The following ANO4 variants were observed in gnomAD, a reference collection of about 807,000 sequenced individuals.
The protein encoded by ANO4 is anoctamin-4.
In ANO4, 69 loss-of-function variants were observed where a neutral mutation model predicts 141.9. The ratio of observed to expected loss-of-function variants is 0.49; its 90% CI spans 0.40 to 0.59. The LOEUF (loss-of-function observed/expected upper bound fraction) is 0.59, where lower values mean the gene tolerates loss of function less well. ANO4 is among the 20% of genes least tolerant of loss of function. The pLI, the probability that ANO4 is intolerant of heterozygous loss-of-function variation, is 0.00. For synonymous variants in ANO4, 350 were observed against 394.3 expected (o/e 0.89, Z 1.33); for missense variants, 894 against 1,162.2 (o/e 0.77, Z 3.36).
Position 101,086,747 on chromosome 12 carries a change from A to G in ANO4, c.1624A>G (p.Ile542Val). ...STFAAFKWAL[I>V]RNNSQVATTG... ...TTTCGCTGCCTTTAAGTGGGCGTTA[A>G]TCAGGAATAACTCTCAGGTTGCAAC... The change falls in exon 17 of 28, where the codon ATC becomes GTC. Residue 542 changes from isoleucine to valine, a missense_variant. Ile to Val is a conservative substitution (Grantham distance 29). Around this residue, in one of 2 missense-constraint regions of ANO4, gnomAD observed 637 missense variants for 909.2 expected, o/e 0.70. Coordinates refer to ENST00000392977, the MANE Select transcript of ANO4 (RefSeq NM_001286615.2). The G allele has an allele frequency of 1.2e-6, 2 of 1,613,850 alleles. No homozygotes were observed. The highest frequency in any genetic ancestry group is 1.7e-6 in the Non-Finnish European group (2 of 1,179,812).
chr12:101,004,983 G>T (rs1347922698), intron 8 of ANO4, among the ~76,000 whole-genome samples: 4 of 152,136 alleles, frequency 2.6e-5, no homozygotes, highest in East Asian at 3.9e-4. Context: ...CTAGGACTTT[G>T]CTGCTCCCAG....
At chr12:100,942,566 A>G (rs774495334) in intron 5 of ANO4, 31 bp downstream of exon 5, 3 of 1,602,092 alleles carry the variant, frequency 1.9e-6, no homozygotes, top group Non-Finnish European at 1.7e-6. Flanking sequence ...AGAAAAAAAT[A>G]TATACATATC....
At chr12:101,099,781 A>G (rs995302874) in intron 22 of ANO4, 61 bp downstream of exon 22, 3 of 1,359,224 alleles carry the variant, frequency 2.2e-6, no homozygotes, top group Non-Finnish European at 2.0e-6. Flanking sequence ...GGTATATTCA[A>G]CTAAACATAT....
chr12:100,970,215 C>T (rs1007376164), intron 5 of ANO4, among the ~76,000 whole-genome samples: 2 of 152,032 alleles, frequency 1.3e-5, no homozygotes, highest in African/African-American at 2.4e-5. Context: ...GAGAACATTC[C>T]TTCTTCTCCC....
intron 5 of ANO4, among the ~76,000 whole-genome samples, chr12:100,967,538 T>C (rs1251273549): frequency 2.7e-5 from 4 of 149,598 alleles, no homozygotes; most frequent in Non-Finnish European, 4.4e-5. Flanking sequence ...ATAAGCCCCA[T>C]ACACTATATT....
intron 1 of ANO4, among the ~76,000 whole-genome samples, chr12:100,721,699 G>C (rs1266893340): frequency 1.3e-5 from 2 of 152,050 alleles, no homozygotes; most frequent in Non-Finnish European, 2.9e-5. Context: ...GTTTGTTTGA[G>C]ACAATGTCTC....
intron 15 of ANO4, among the ~76,000 whole-genome samples, chr12:101,082,119 T>C (rs2049308403): frequency 1.3e-5 from 2 of 152,142 alleles, no homozygotes; most frequent in African/African-American, 2.4e-5. Flanking sequence ...TCCCCATGTG[T>C]TGGGGGTTGG....
intron 1 of ANO4, among the ~76,000 whole-genome samples, 154 bp from the exon 2 acceptor site, chr12:100,901,492 T>G (rs2040589278): frequency 6.6e-6 from 1 of 152,202 alleles, no homozygotes; most frequent in South Asian, 2.1e-4. Flanking sequence ...AAGTCTTGTC[T>G]TGGTAACTAA....
Position 100,901,829 on chromosome 12 carries a change from T to G in ANO4, c.44T>G (p.Val15Gly). The change falls in exon 2 of 28, where the codon GTC becomes GGC. Residue 15 changes from valine (V) to glycine (G), a missense_variant. Physicochemically the swap from Val to Gly is moderately radical, Grantham distance 109 (BLOSUM62 -3). Coordinates refer to ENST00000392977, the MANE Select transcript of ANO4 (RefSeq NM_001286615.2). ...GGAATCACTAATGGAAAAACCAAAG[T>G]CTTCCACCCAGGTGATGCATGGGGA... ...SSGITNGKTKVFHPEGGVDLQ... is the reference protein window; with the variant it reads ...SSGITNGKTKGFHPEGGVDLQ... The G allele has an allele frequency of 1.4e-5, 23 of 1,608,170 alleles. No individual in the cohort carries two copies. The highest frequency in any genetic ancestry group is 2.0e-5 in the Non-Finnish European group (23 of 1,177,544).
intron 8 of ANO4, among the ~76,000 whole-genome samples, chr12:100,997,625 T>C (rs1287689642): frequency 1.3e-5 from 2 of 152,132 alleles, no homozygotes; most frequent in Non-Finnish European, 2.9e-5. Flanking sequence ...CAGGCCTCAG[T>C]GGCCTATGTA....
chr12:100,847,051 C>T (rs1385348874), intron 1 of ANO4, among the ~76,000 whole-genome samples: 3 of 152,144 alleles, frequency 2.0e-5, no homozygotes, highest in African/African-American at 7.2e-5. Context: ...TGGTGTGTTC[C>T]CTTAGCATCC....
At chr12:100,730,310 C>A (rs1156260586) in intron 1 of ANO4, among the ~76,000 whole-genome samples, 1 of 148,148 alleles carries the variant, frequency 6.8e-6, no homozygotes, top group Non-Finnish European at 1.5e-5. Context: ...TACCTCCTCC[C>A]CTGCCCCCCA....
intron 9 of ANO4, among the ~76,000 whole-genome samples, chr12:101,021,057 G>T (rs2046502820): frequency 6.6e-6 from 1 of 152,182 alleles, no homozygotes; most frequent in African/African-American, 2.4e-5. Flanking sequence ...AATAGCAGAT[G>T]TTAGGAGCAG....
intron 13 of ANO4, among the ~76,000 whole-genome samples, chr12:101,047,184 G>A (rs1333375430): frequency 6.6e-6 from 1 of 152,190 alleles, no homozygotes; most frequent in African/African-American, 2.4e-5. Context: ...AGGAGGTGGA[G>A]GTTGCAGTGA....
chr12:100,891,823 A>G (rs1382798006), intron 1 of ANO4, among the ~76,000 whole-genome samples: 1 of 152,160 alleles, frequency 6.6e-6, no homozygotes, highest in Non-Finnish European at 1.5e-5. Flanking sequence ...ATTATTAAGT[A>G]TACCCACTAT....
At chr12:100,907,226 T>TA (rs774791628) in intron 2 of ANO4, among the ~76,000 whole-genome samples, 4 of 152,228 alleles carry the variant, frequency 2.6e-5, no homozygotes, top group Non-Finnish European at 4.4e-5. Context: ...TTATCCATGT[T>TA]ATTCAGCTTC....
At chr12:100,768,391 C>T (rs1038671642) in intron 3 of ANO4, among the ~76,000 whole-genome samples, 3 of 152,174 alleles carry the variant, frequency 2.0e-5, no homozygotes, top group Admixed American at 2.0e-4. Flanking sequence ...TAATCTCTCA[C>T]CTGGATTCCT....
chr12:100,870,040 A>G (rs2038955156), intron 1 of ANO4, among the ~76,000 whole-genome samples: 1 of 152,184 alleles, frequency 6.6e-6, no homozygotes, highest in South Asian at 2.1e-4. Context: ...CCACTTCAGG[A>G]TCTCAATAGA....
intron 3 of ANO4, among the ~76,000 whole-genome samples, chr12:100,777,329 G>A (rs2033557268): frequency 6.8e-6 from 1 of 146,268 alleles, no homozygotes; most frequent in African/African-American, 2.5e-5. Context: ...ATGTGGGCCG[G>A]GCTGGTCTCG....
Sources: allele counts gnomAD v4.1 joint callset (sites outside exome capture counted in the v4.1 genomes callset), GRCh38; gene constraint gnomAD v4.1.1; regional missense constraint gnomAD v4.1.1; transcripts MANE v1.5; gene names NCBI Gene and HGNC (gene_info 2026-07-23, HGNC 2026-07-21).